The following CSGALNACT1 variants were observed in gnomAD, a reference collection of about 807,000 sequenced individuals.
CSGALNACT1 encodes the protein beta4GalNAcT-1.
In CSGALNACT1, 52 loss-of-function variants were observed where a neutral mutation model predicts 51.0. That is an observed-to-expected ratio of 1.02 (90% CI 0.82 to 1.29). The LOEUF is 1.29. CSGALNACT1 is among the 50% of genes most tolerant of loss of function. The pLI, the probability that CSGALNACT1 is intolerant of heterozygous loss-of-function variation, is 0.00. For missense variants in CSGALNACT1, 935 were observed against 679.2 expected (o/e 1.38, Z -4.19); for synonymous variants, 341 against 254.4 (o/e 1.34, Z -3.24).
intron 3 of CSGALNACT1, among the ~76,000 whole-genome samples, chr8:19,512,528 C>T (rs1426990235): frequency 1.3e-5 from 2 of 152,162 alleles, no homozygotes; most frequent in Non-Finnish European, 2.9e-5. Flanking sequence ...CATAAAAATG[C>T]TATCTCTCAA....
At chr8:19,653,131 C>G (rs1430213951) in intron 1 of CSGALNACT1, among the ~76,000 whole-genome samples, 1 of 152,126 alleles carries the variant, frequency 6.6e-6, no homozygotes, top group Non-Finnish European at 1.5e-5. Flanking sequence ...CACTGTCTCT[C>G]TTGATGGAAC....
intron 3 of CSGALNACT1, among the ~76,000 whole-genome samples, chr8:19,512,669 A>T (rs1418324941): frequency 6.6e-6 from 1 of 152,250 alleles, no homozygotes; most frequent in Non-Finnish European, 1.5e-5. Flanking sequence ...CAGAGAAGTT[A>T]TGCGACTTGT....
intron 3 of CSGALNACT1, among the ~76,000 whole-genome samples, chr8:19,506,423 G>T (rs1318583168): frequency 6.6e-6 from 1 of 152,222 alleles, no homozygotes; most frequent in Non-Finnish European, 1.5e-5. Flanking sequence ...CTATTTTTCT[G>T]TATCTGGTAA....
In CSGALNACT1 at chr8:19,597,061, T is replaced by A. The variant is rs141822332; in HGVS notation, c.-416+4710A>T. 4.8e-3 allele frequency among the ~76,000 whole-genome samples: 737 copies of A among 152,236 alleles called. 5 individuals carry two copies. Among genetic ancestry groups the A allele is most frequent in the African/African-American group, 0.016 (684 of 41,540 alleles). On this transcript the variant is annotated intron_variant, in intron 2 of 9. Transcript: ENST00000454498. ...TTTCTGTCTCTATAAATGTGACCAC[T>A]CTAGGGACCACATATTAGTGGAATC...
chr8:19,708,330 G>C (rs895891258), intron 1 of CSGALNACT1, among the ~76,000 whole-genome samples: 1 of 152,162 alleles, frequency 6.6e-6, no homozygotes, highest in African/African-American at 2.4e-5. Flanking sequence ...GCCCATCAGC[G>C]TGAGGTATTT....
rs1589852428 is a variant in CSGALNACT1, at chr8:19,757,395, G to C, written c.-297+455C>G. On this transcript the variant is annotated intron_variant, in intron 1 of 1. Coordinates refer to the CSGALNACT1 transcript ENST00000517494. This position sits in a 1 kb window ranked among gnomAD's most constrained non-coding sequence, Gnocchi z 4.0. ...GGCCAAGCCTGGCGCCCCGCCGCAG[G>C]GTAGGTCCGGCGGGGGCGGCCAAGG... 1 of 152,202 alleles carries C rather than the reference G, an allele frequency of 6.6e-6. No homozygotes were observed. Among genetic ancestry groups the C allele is most frequent in the Admixed American group, 6.6e-5 (1 of 15,198 alleles). 9.4% of individuals were successfully genotyped at this position (152,202 alleles called of 1,614,324 possible).
chr8:19,468,153 G>C (rs780226986), intron 4 of CSGALNACT1, among the ~76,000 whole-genome samples: 3 of 138,928 alleles, frequency 2.2e-5, no homozygotes, highest in Non-Finnish European at 4.7e-5. Flanking sequence ...CCTACTGGAG[G>C]GTCTGGACAG....
At position 19,456,021 on chromosome 8, in the gene CSGALNACT1, G is replaced by T. The variant is rs1208483749; in HGVS notation, c.851+2405C>A. On this transcript the variant is annotated intron_variant, in intron 5 of 9. Transcript: ENST00000454498. ...AAAAGTCCATATGGTGGGCTGAGAT[G>T]AATCAGCTCAAGGCAAACTGCCCTG... is the stretch of plus-strand genomic sequence containing the variant. Among the ~76,000 whole-genome samples, 4 of 152,216 alleles carry T rather than the reference G, an allele frequency of 2.6e-5. No homozygotes were observed. In the South Asian group the frequency reaches 6.2e-4, roughly 24 times the overall value.
intron 8 of CSGALNACT1, among the ~76,000 whole-genome samples, chr8:19,411,269 G>T (rs910943110): frequency 6.6e-6 from 1 of 152,162 alleles, no homozygotes; most frequent in East Asian, 1.9e-4. Flanking sequence ...TATTTTCTCT[G>T]TAACAATTCT....
In CSGALNACT1 at chr8:19,667,017, AAGGAAGGAAGGAAGG is replaced by A. The variant is rs1181022149; in HGVS notation, c.-544+15441_-544+15455del. Reference sequence around the variant, plus strand: ...AAAGAAAGAAAGAAAGAAAGAAAGAAAGGAAGGAAGGAAGGAAGGAAGGAAGAAAGAAAGAAAGAA... The same window carrying A: ...AAAGAAAGAAAGAAAGAAAGAAAGAAAAGGAAGGAAGAAAGAAAGAAAGAA... On this transcript the variant is annotated intron_variant, in intron 1 of 9. Transcript: ENST00000332246. Among the ~76,000 whole-genome samples, 35 of 36,704 alleles carry A rather than the reference AAGGAAGGAAGGAAGG, an allele frequency of 9.5e-4. 2 individuals carry two copies. The highest frequency in any genetic ancestry group is 5.3e-3 in the African/African-American group (34 of 6,418). The allele number at this position is 36,704 out of a possible 152,430, so 24.1% of individuals were successfully genotyped here.
At chr8:19,406,422 CTTA>C (rs1234289298) in intron 9 of CSGALNACT1, among the ~76,000 whole-genome samples, 5 of 151,780 alleles carry the variant, frequency 3.3e-5, no homozygotes, top group Non-Finnish European at 5.9e-5. Flanking sequence ...TACTGACAGA[CTTA>C]TTGTGATTAT....
chr8:19,744,683 G>A (rs1007112135), intron 1 of CSGALNACT1, among the ~76,000 whole-genome samples: 1 of 152,150 alleles, frequency 6.6e-6, no homozygotes, highest in Non-Finnish European at 1.5e-5. Context: ...ATTTCTAAAG[G>A]TGAGTTTTCT....
intron 1 of CSGALNACT1, among the ~76,000 whole-genome samples, chr8:19,673,552 A>G (rs1441356804): frequency 6.6e-6 from 1 of 152,222 alleles, no homozygotes; most frequent in African/African-American, 2.4e-5. Context: ...AGGAGAAAAG[A>G]GTGAAAGCCA....
intron 1 of CSGALNACT1, among the ~76,000 whole-genome samples, chr8:19,625,812 T>C (rs984637733): frequency 3.3e-5 from 5 of 152,210 alleles, no homozygotes; most frequent in African/African-American, 1.2e-4. Flanking sequence ...GAATTCATCC[T>C]AAGCCAGTTA....
intron 1 of CSGALNACT1, among the ~76,000 whole-genome samples, chr8:19,701,068 G>C (rs1220062051): frequency 3.3e-5 from 5 of 149,866 alleles, no homozygotes; most frequent in Non-Finnish European, 7.4e-5. Flanking sequence ...ATGCCATCAA[G>C]ACAGAAATGA....
At chr8:19,436,530 G>C (rs1742718941) in intron 6 of CSGALNACT1, among the ~76,000 whole-genome samples, 1 of 152,152 alleles carries the variant, frequency 6.6e-6, no homozygotes, top group Non-Finnish European at 1.5e-5. Flanking sequence ...TCAGAAATAA[G>C]ATACCTCTGA....
At chr8:19,536,052 T>C (rs1179219657) in intron 3 of CSGALNACT1, among the ~76,000 whole-genome samples, 2 of 152,154 alleles carry the variant, frequency 1.3e-5, no homozygotes, top group Non-Finnish European at 2.9e-5. Context: ...GCAGAAGACA[T>C]GATCTATATA....
At chr8:19,496,056 G>A (rs766998246) in intron 4 of CSGALNACT1, among the ~76,000 whole-genome samples, 2 of 152,168 alleles carry the variant, frequency 1.3e-5, no homozygotes, top group Non-Finnish European at 2.9e-5. Flanking sequence ...ATGAGGAAGA[G>A]GGGGCTGATT....
intron 5 of CSGALNACT1, among the ~76,000 whole-genome samples, chr8:19,455,269 T>G (rs943111737): frequency 2.6e-5 from 4 of 152,140 alleles, no homozygotes; most frequent in African/African-American, 9.7e-5. Flanking sequence ...TTAAACAAAA[T>G]ATAAAACATA....
Sources: allele counts gnomAD v4.1 joint callset (sites outside exome capture counted in the v4.1 genomes callset), GRCh38; gene constraint gnomAD v4.1.1; non-coding constraint Gnocchi (gnomAD v3.1); transcripts MANE v1.5; gene names NCBI Gene and HGNC (gene_info 2026-07-23, HGNC 2026-07-21).